The following PRPF18 variants were observed in gnomAD, a reference collection of about 807,000 sequenced individuals.
PRPF18 encodes the protein pre-mRNA processing factor 18, also known as pre-mRNA-splicing factor 18.
PRPF18 carries 38 observed loss-of-function variants against 46.5 expected under a neutral mutation model. The ratio of observed to expected loss-of-function variants is 0.82; its 90% CI spans 0.63 to 1.07. The LOEUF is 1.07. PRPF18 is among the 50% of genes least tolerant of loss of function. PRPF18 has a pLI of 0.00. For missense variants in PRPF18, 263 were observed against 410.0 expected, an observed-to-expected ratio of 0.64 and a Z score of 3.10; for synonymous variants, 152 against 146.7, an observed-to-expected ratio of 1.04 and a Z score of -0.26.
intron 9 of PRPF18, among the ~76,000 whole-genome samples, chr10:13,618,704 A>G (rs2133866803): frequency 6.6e-6 from 1 of 152,152 alleles, no homozygotes; most frequent in South Asian, 2.1e-4. Flanking sequence ...GCCACCTAAT[A>G]ACTTAGTGTA....
the PRPF18 span, chr10:13,641,656 A>C: frequency 1.2e-4 from 18 of 152,378 alleles, no homozygotes; most frequent in African/African-American, 4.3e-4. Flanking sequence ...GTGGAAAACC[A>C]GGACAATGTG....
At chr10:13,621,058 G>C (rs2080413973) in intron 9 of PRPF18, among the ~76,000 whole-genome samples, 1 of 152,198 alleles carries the variant, frequency 6.6e-6, no homozygotes, top group African/African-American at 2.4e-5. Flanking sequence ...ATTATAGGAA[G>C]CTCTGGGTTA....
chr10:13,628,935 A>C (rs539847909), intron 9 of PRPF18, among the ~76,000 whole-genome samples: 1 of 152,096 alleles, frequency 6.6e-6, no homozygotes, highest in African/African-American at 2.4e-5. Flanking sequence ...TGCGCACGGT[A>C]TTGAGTATTT....
At chr10:13,647,349 C>T in the PRPF18 span, 1 of 152,222 alleles carries the variant, frequency 6.6e-6, no homozygotes, top group South Asian at 2.1e-4. Context: ...CAGAAATACT[C>T]ATGCCTGGGC....
At chr10:13,616,773 G>C (rs935685495) in intron 9 of PRPF18, among the ~76,000 whole-genome samples, 7 of 151,580 alleles carry the variant, frequency 4.6e-5, no homozygotes, top group African/African-American at 1.7e-4. Flanking sequence ...GTGAAGTATT[G>C]TGCTTTAATT....
At position 13,616,484 on chromosome 10, in the gene PRPF18, C is replaced by T; in HGVS notation, c.879C>T (p.Gly293=). The T allele has an allele frequency of 6.2e-7, 1 of 1,613,966 alleles. No homozygotes were observed. The highest frequency in any genetic ancestry group is 8.5e-7 in the Non-Finnish European group (1 of 1,179,906). The change falls in exon 9 of 10, where the codon GGC becomes GGT. Residue 293 remains glycine (G), a synonymous_variant. Coordinates refer to ENST00000378572, the MANE Select transcript of PRPF18 (RefSeq NM_003675.4). ...VTMVGIHART[G]REKIFSKHVA... ...TGGTTGGTATCCATGCCAGAACTGGCAGAGAAAAGATTTTTTCCAAGCATG... is the reference window on the plus strand; with the variant it reads ...TGGTTGGTATCCATGCCAGAACTGGTAGAGAAAAGATTTTTTCCAAGCATG...
chr10:13,600,004 C>G (rs1006521593), intron 2 of PRPF18, among the ~76,000 whole-genome samples: 1 of 152,180 alleles, frequency 6.6e-6, no homozygotes, highest in African/African-American at 2.4e-5. Flanking sequence ...TCGTGTCACT[C>G]TTTTATAGCA....
At chr10:13,625,948 C>G (rs1468430072) in intron 9 of PRPF18, among the ~76,000 whole-genome samples, 1 of 152,248 alleles carries the variant, frequency 6.6e-6, no homozygotes, top group Non-Finnish European at 1.5e-5. Flanking sequence ...ATAGCTGACA[C>G]TTAAGTAGTG....
the PRPF18 span, chr10:13,651,940 A>C: frequency 6.2e-7 from 1 of 1,601,484 alleles, no homozygotes; most frequent in East Asian, 2.2e-5. Context: ...GGAGACTCAG[A>C]CCCATCCAGA....
At chr10:13,623,456 C>T (rs1364379233) in intron 9 of PRPF18, among the ~76,000 whole-genome samples, 2 of 152,118 alleles carry the variant, frequency 1.3e-5, no homozygotes, top group African/African-American at 2.4e-5. Context: ...GGGTGGAAAA[C>T]GTCACTCATC....
chr10:13,603,225 T>C (rs1280373282), intron 3 of PRPF18, among the ~76,000 whole-genome samples: 2 of 151,750 alleles, frequency 1.3e-5, no homozygotes, highest in African/African-American at 4.8e-5. Flanking sequence ...ATTGAAATAG[T>C]AAAAGAGGAC....
At chr10:13,644,484 T>A in the PRPF18 span, 1 of 152,226 alleles carries the variant, frequency 6.6e-6, no homozygotes, top group Non-Finnish European at 1.5e-5. Context: ...CAGACTATCA[T>A]GATGTTTGTT....
chr10:13,651,325 C>G, the PRPF18 span: 3 of 152,522 alleles, frequency 2.0e-5, no homozygotes, highest in East Asian at 5.8e-4. Flanking sequence ...TGAGTCGGCC[C>G]TTGGTGCTTT....
chr10:13,611,485 C>G (rs574867828), intron 5 of PRPF18, 130 bp from the exon 6 acceptor site: 99 of 704,912 alleles, frequency 1.4e-4, no homozygotes, highest in Non-Finnish European at 2.2e-4. Flanking sequence ...TCTAGAAATT[C>G]CATCCGATTT....
At chr10:13,634,302 C>G (rs1225549431), downstream of PRPF18, among the ~76,000 whole-genome samples, 1 of 152,192 alleles carries the variant, frequency 6.6e-6, no homozygotes, top group Non-Finnish European at 1.5e-5. Flanking sequence ...CTTCTTCCCT[C>G]TCTGTAAGCA....
Position 13,605,749 on chromosome 10 carries a change from G to C in PRPF18, c.363+5G>C. 6.2e-7 allele frequency: 1 copy of C among 1,608,936 alleles called. No homozygotes were observed. Among genetic ancestry groups the C allele is most frequent in the Non-Finnish European group, 8.5e-7 (1 of 1,178,446 alleles). On this transcript the variant is annotated splice_donor_5th_base_variant and intron_variant, in intron 4 of 9. Coordinates refer to ENST00000378572, the MANE Select transcript of PRPF18 (RefSeq NM_003675.4). Reference sequence around the variant, plus strand: ...CTCACACCAGAAGTTAACAAGGTAAGAGGACAGAACAAAGCTAGAAAAATA... The same window carrying C: ...CTCACACCAGAAGTTAACAAGGTAACAGGACAGAACAAAGCTAGAAAAATA...
At chr10:13,650,793 A>T in the PRPF18 span, among the ~76,000 whole-genome samples, 1 of 152,160 alleles carries the variant, frequency 6.6e-6, no homozygotes, top group Non-Finnish European at 1.5e-5. Flanking sequence ...TTATCTGTGC[A>T]TCCATGTTTT....
chr10:13,609,933 C>T, intron 4 of PRPF18, 106 bp from the exon 5 acceptor site: 5 of 1,253,792 alleles, frequency 4.0e-6, no homozygotes, highest in Admixed American at 2.1e-5. Flanking sequence ...CTGAACTCTT[C>T]TTGTGGGGGA....
chr10:13,587,289 T>TA, intron 1 of PRPF18, 137 bp downstream of exon 1: 1 of 879,024 alleles, frequency 1.1e-6, no homozygotes, highest in African/African-American at 1.6e-5. Context: ...CTACCCCTGG[T>TA]AGGCCCCCTT....
Sources: gnomAD v4.1 joint callset for allele counts (sites outside exome capture counted in the v4.1 genomes callset) on GRCh38, gnomAD v4.1.1 for gene constraint, MANE v1.5 for transcripts, NCBI Gene and HGNC (gene_info 2026-07-23, HGNC 2026-07-21) for gene names.